The following TRMT1L variants were observed in gnomAD, a reference collection of about 807,000 sequenced individuals.
The protein encoded by TRMT1L is tRNA methyltransferase 1L, also known as tRNA (guanine(27)-N(2))-dimethyltransferase.
A neutral mutation model predicts 81.6 loss-of-function variants in TRMT1L; 28 were observed. The observed-to-expected ratio is 0.34, with a 90% CI of 0.25 to 0.47. TRMT1L has a LOEUF of 0.47. Among genes scored for constraint, TRMT1L ranks in the 20% least tolerant of loss-of-function variants. The pLI is 1.00. For missense variants in TRMT1L, 739 were observed against 877.1 expected, an observed-to-expected ratio of 0.84 and a Z score of 1.99; for synonymous variants, 301 against 303.2, an observed-to-expected ratio of 0.99 and a Z score of 0.07.
rs980155475 is a variant in TRMT1L at position 185,119,863 on chromosome 1, C to G, written c.*156G>C. The G allele has an allele frequency of 4.3e-6, 4 of 927,870 alleles. No homozygotes were observed. The highest frequency in any genetic ancestry group is 2.4e-4 in the Middle Eastern group (1 of 4,250). 57.5% of individuals were successfully genotyped at this position (927,870 alleles called of 1,614,324 possible). ...AAACTTGGAAAGCAAAGCTCCCAAA[C>G]CAGCTAAGTTAGAAACTGCTCAGTT... On this transcript the variant is annotated 3_prime_UTR_variant, in exon 15 of 15. Transcript: ENST00000367506.
At position 185,120,028 on chromosome 1, in the gene TRMT1L, T is replaced by C. The variant is rs1261375366; in HGVS notation, c.2193A>G (p.Arg731=). ...VNDKAEASGC[R]RW is the part of the protein sequence containing the mutation. ...CAATTCTTCTCTACGTTTACCATCTTCTGCAGCCACTTGCTTCTGCTTTGT... is the reference window on the plus strand; with the variant it reads ...CAATTCTTCTCTACGTTTACCATCTCCTGCAGCCACTTGCTTCTGCTTTGT... The change falls in exon 15 of 15, where the codon AGA becomes AGG. Residue 731 remains arginine (R), a synonymous_variant. Coordinates refer to ENST00000367506, the MANE Select transcript of TRMT1L (RefSeq NM_030934.5). 6.2e-7 allele frequency: 1 copy of C among 1,613,578 alleles called. No homozygotes were observed. The highest frequency in any genetic ancestry group is 1.1e-5 in the South Asian group (1 of 91,062).
intron 10 of TRMT1L, among the ~76,000 whole-genome samples, chr1:185,132,617 C>T (rs1484380076): frequency 2.6e-5 from 4 of 151,670 alleles, no homozygotes; most frequent in Non-Finnish European, 5.9e-5. Flanking sequence ...TGAACTCATA[C>T]ACATATTATC....
At chr1:185,151,477 A>G (rs1450677735) in intron 2 of TRMT1L, among the ~76,000 whole-genome samples, 4 of 152,156 alleles carry the variant, frequency 2.6e-5, no homozygotes, top group Admixed American at 6.5e-5. Flanking sequence ...CCAGCCCTAA[A>G]TTGCCTATCT....
rs1652983843 is a variant in TRMT1L, at chr1:185,139,561, T to A, written c.1128A>T (p.Gly376=). The A allele has an allele frequency of 1.2e-6, 2 of 1,612,544 alleles. No homozygotes were observed. The highest frequency in any genetic ancestry group is 1.7e-5 in the Admixed American group (1 of 59,992). Residue 376 remains glycine (G), a synonymous_variant, in exon 9 of 15, where the codon GGA becomes GGT. Transcript: ENST00000367506. ...SFDFIHLDPF[G]TSVNYLDSAF... is the part of the protein sequence containing the mutation. ...CAGAATCTAGATAATTCACTGATGT[T>A]CCAAAAGGGTCTAGATGTCTAAAAT...
chr1:185,136,301 T>C (rs550712850), intron 10 of TRMT1L, among the ~76,000 whole-genome samples: 3 of 151,988 alleles, frequency 2.0e-5, no homozygotes, highest in South Asian at 2.1e-4. Context: ...CCCAGGTACT[T>C]GGGAGGCTGA....
At chr1:185,129,404 A>G (rs1047714073) in intron 10 of TRMT1L, among the ~76,000 whole-genome samples, 2 of 152,104 alleles carry the variant, frequency 1.3e-5, no homozygotes, top group African/African-American at 4.8e-5. Flanking sequence ...AAAAGCAATG[A>G]ATGAGAGTCC....
intron 7 of TRMT1L, among the ~76,000 whole-genome samples, chr1:185,141,235 C>T (rs6424971): frequency 0.59 from 90,032 of 151,920 alleles, 28,648 homozygotes; most frequent in African/African-American, 0.85. Context: ...TTCACATATA[C>T]GCATTTTTCA....
At chr1:185,146,303 A>G (rs1038485865) in intron 4 of TRMT1L, among the ~76,000 whole-genome samples, 2 of 152,054 alleles carry the variant, frequency 1.3e-5, no homozygotes, top group Admixed American at 6.6e-5. Context: ...TTAGAAGCGT[A>G]CTTATCCGAG....
intron 10 of TRMT1L, among the ~76,000 whole-genome samples, chr1:185,134,594 A>G (rs1300892445): frequency 2.6e-5 from 4 of 152,272 alleles, no homozygotes; most frequent in African/African-American, 9.6e-5. Flanking sequence ...TCCAAATAAA[A>G]TGCAAAAATA....
intron 13 of TRMT1L, among the ~76,000 whole-genome samples, chr1:185,122,356 T>C (rs974036325): frequency 6.6e-6 from 1 of 152,194 alleles, no homozygotes; most frequent in Admixed American, 6.5e-5. Flanking sequence ...ATTTAAAAGT[T>C]ATAGAAGAGC....
intron 11 of TRMT1L, among the ~76,000 whole-genome samples, chr1:185,126,050 G>C (rs1268233562): frequency 6.6e-6 from 1 of 152,112 alleles, no homozygotes; most frequent in Non-Finnish European, 1.5e-5. Context: ...ATGAAATTCT[G>C]AGTATGATAA....
At chr1:185,152,595 T>C (rs757711005) in intron 1 of TRMT1L, among the ~76,000 whole-genome samples, 71 of 152,106 alleles carry the variant, frequency 4.7e-4, no homozygotes, top group Non-Finnish European at 8.1e-4. Context: ...CAGGAGGCTA[T>C]CTCTGCCAGT....
intron 4 of TRMT1L, 50 bp from the exon 5 acceptor site, chr1:185,145,618 G>A (rs749865646): frequency 3.2e-6 from 5 of 1,570,360 alleles, no homozygotes; most frequent in Non-Finnish European, 4.4e-6. Context: ...CAATGAAACA[G>A]AAGTATATGT....
At chr1:185,150,531 C>G (rs909218120) in intron 2 of TRMT1L, 39 bp from the exon 3 acceptor site, 15 of 1,436,764 alleles carry the variant, frequency 1.0e-5, no homozygotes, top group African/African-American at 2.8e-5. Context: ...ACAGAATATT[C>G]TAGTTATTAA....
At chr1:185,120,997 CACAAA>C in intron 13 of TRMT1L, 1 of 152,292 alleles carries the variant, frequency 6.6e-6, no homozygotes, top group East Asian at 1.9e-4. Context: ...CTTTAGTAAT[CACAAA>C]ACAAAGAAAA....
Position 185,156,487 on chromosome 1 carries a change from C to G in TRMT1L, c.226G>C (p.Ala76Pro). The G allele has an allele frequency of 6.2e-7, 1 of 1,613,948 alleles. No individual in the cohort carries two copies. Among genetic ancestry groups the G allele is most frequent in the Non-Finnish European group, 8.5e-7 (1 of 1,179,896 alleles). ...SPSLASAPEE[A>P]KSKRHISIQR... The stretch of plus-strand genomic sequence containing the variant: ...GGCCTTCTGCACTTACTGCTTTTAG[C>G]CTCCTCAGGGGCAGAGGCTAGGGAC... The change falls in exon 1 of 15, where the codon GCT (alanine) becomes CCT (proline). Residue 76 changes from alanine (A) to proline (P), a missense_variant. This residue lies in a region of TRMT1L where 209 missense variants were observed against 165.4 expected (regional missense o/e 1.26). Coordinates refer to ENST00000367506, the MANE Select transcript of TRMT1L (RefSeq NM_030934.5).
intron 13 of TRMT1L, chr1:185,120,782 G>C (rs1233704493): frequency 4.4e-6 from 1 of 227,556 alleles, no homozygotes; most frequent in African/African-American, 2.3e-5. Flanking sequence ...TCTGGGGCTA[G>C]TCACTTCATA....
intron 8 of TRMT1L, 41 bp from the exon 9 acceptor site, chr1:185,139,620 G>T: frequency 1.4e-6 from 2 of 1,405,932 alleles, no homozygotes; most frequent in Non-Finnish European, 1.9e-6. Context: ...AGTCATATTA[G>T]TAACAAAAAT....
At chr1:185,156,420 C>T in intron 1 of TRMT1L, 58 bp downstream of exon 1, 5 of 1,613,080 alleles carry the variant, frequency 3.1e-6, no homozygotes, top group Non-Finnish European at 4.2e-6. Flanking sequence ...CCCCTACTTC[C>T]CAGCAAGGCG....
Sources: gnomAD v4.1 joint callset for allele counts (sites outside exome capture counted in the v4.1 genomes callset) on GRCh38, gnomAD v4.1.1 for gene constraint, gnomAD v4.1.1 regional missense constraint, MANE v1.5 for transcripts, NCBI Gene and HGNC (gene_info 2026-07-23, HGNC 2026-07-21) for gene names.